NCKAP5: variants seen among roughly 807,000 people sequenced by gnomAD.
The protein encoded by NCKAP5 is nck-associated protein 5.
In NCKAP5, 92 loss-of-function variants were observed where a neutral mutation model predicts 167.0. The ratio of observed to expected loss-of-function variants is 0.55; its 90% CI spans 0.47 to 0.66. The LOEUF (loss-of-function observed/expected upper bound fraction) is 0.66, where lower values mean the gene tolerates loss of function less well. Ranked by LOEUF, NCKAP5 falls within the 30% of genes least tolerant of loss-of-function variation. The pLI, the probability that NCKAP5 is intolerant of heterozygous loss-of-function variation, is 0.00. For synonymous variants in NCKAP5, 891 were observed against 877.4 expected (o/e 1.02, Z -0.27); for missense variants, 2,378 against 2,315.0 (o/e 1.03, Z -0.56).
At chr2:133,628,969 C>A in the NCKAP5 span, among the ~76,000 whole-genome samples, 1 of 152,092 alleles carries the variant, frequency 6.6e-6, no homozygotes, top group African/African-American at 2.4e-5. Flanking sequence ...TTCCTTACAC[C>A]TTATACAAAA....
chr2:132,738,040 C>T (rs900479561), intron 16 of NCKAP5, among the ~76,000 whole-genome samples: 5 of 152,172 alleles, frequency 3.3e-5, no homozygotes, highest in Non-Finnish European at 5.9e-5. Flanking sequence ...GAATGGTCTT[C>T]CTCATCGTTA....
intron 11 of NCKAP5, among the ~76,000 whole-genome samples, chr2:132,809,499 G>A (rs564507530): frequency 7.0e-6 from 1 of 142,326 alleles, no homozygotes; most frequent in South Asian, 2.2e-4. Context: ...TGTCGGACAA[G>A]GCCTTTACCA....
intron 9 of NCKAP5, among the ~76,000 whole-genome samples, chr2:132,870,929 ATTAG>A (rs772906382): frequency 1.5e-4 from 23 of 152,128 alleles, no homozygotes; most frequent in Admixed American, 3.3e-4. Flanking sequence ...TCTGTAATTG[ATTAG>A]TTAAATTATA....
intron 2 of NCKAP5, among the ~76,000 whole-genome samples, chr2:133,530,554 A>T (rs1443639560): frequency 6.6e-5 from 10 of 152,338 alleles, no homozygotes; most frequent in Middle Eastern, 3.4e-3. Context: ...CCATTCAGCG[A>T]CATGAAATGG....
chr2:132,692,466 A>AT (rs1428744371), intron 19 of NCKAP5, among the ~76,000 whole-genome samples: 2 of 151,990 alleles, frequency 1.3e-5, no homozygotes, highest in African/African-American at 2.4e-5. Context: ...ATTACATTAC[A>AT]TTTTTTTATT....
chr2:132,748,568 C>T (rs373556724), intron 16 of NCKAP5, among the ~76,000 whole-genome samples: 206 of 152,234 alleles, frequency 1.4e-3, no homozygotes, highest in African/African-American at 4.4e-3. Flanking sequence ...ATGCAGAAGC[C>T]GGAATTCAAA....
intron 3 of NCKAP5, among the ~76,000 whole-genome samples, chr2:133,491,449 G>T (rs1448250805): frequency 6.6e-6 from 1 of 152,174 alleles, no homozygotes; most frequent in Non-Finnish European, 1.5e-5. Flanking sequence ...AGGTCCAACA[G>T]CGTCACCAAG....
intron 8 of NCKAP5, among the ~76,000 whole-genome samples, chr2:132,914,801 G>A (rs55848608): frequency 0.03 from 4,512 of 151,972 alleles, 190 homozygotes; most frequent in East Asian, 0.17. Flanking sequence ...GCTGCTCAAG[G>A]CCATCAGATA....
At chr2:133,313,203 C>T (rs58703771) in intron 3 of NCKAP5, among the ~76,000 whole-genome samples, 30,314 of 152,008 alleles carry the variant, frequency 0.2, 3,972 homozygotes, top group African/African-American at 0.38. Flanking sequence ...GTAGTGTGTG[C>T]TGGGGGGAAT....
At chr2:133,199,439 A>C (rs1422053426) in intron 5 of NCKAP5, among the ~76,000 whole-genome samples, 3 of 152,070 alleles carry the variant, frequency 2.0e-5, no homozygotes, top group Non-Finnish European at 4.4e-5. Flanking sequence ...AAAATAATTT[A>C]ACAAATACAT....
chr2:132,731,611 A>G, intron 17 of NCKAP5, 126 bp downstream of exon 17: 2 of 989,040 alleles, frequency 2.0e-6, no homozygotes, highest in Non-Finnish European at 2.9e-6. Flanking sequence ...GGTGAAGGAC[A>G]TGAAGGAATT....
At chr2:133,519,337 C>G (rs971301356) in intron 2 of NCKAP5, among the ~76,000 whole-genome samples, 3 of 152,224 alleles carry the variant, frequency 2.0e-5, no homozygotes, top group African/African-American at 7.2e-5. Flanking sequence ...TTTTCAATAT[C>G]ATTTTCTAAA....
At chr2:133,050,081 G>T (rs567072758) in intron 6 of NCKAP5, among the ~76,000 whole-genome samples, 8 of 152,294 alleles carry the variant, frequency 5.3e-5, no homozygotes, top group Middle Eastern at 3.4e-3. Flanking sequence ...ACCACCCATT[G>T]TTCTTCCTGG....
At chr2:133,012,843 G>A (rs1259184561) in intron 6 of NCKAP5, among the ~76,000 whole-genome samples, 1 of 151,894 alleles carries the variant, frequency 6.6e-6, no homozygotes, top group Admixed American at 6.6e-5. Context: ...AAATCTCCAA[G>A]CCTACACCTG....
chr2:133,659,267 GA>G, the NCKAP5 span, among the ~76,000 whole-genome samples: 7 of 151,996 alleles, frequency 4.6e-5, no homozygotes, highest in Admixed American at 6.6e-5. Flanking sequence ...AAATGGTGTT[GA>G]AAAAACTGGA....
intron 3 of NCKAP5, among the ~76,000 whole-genome samples, chr2:133,353,526 A>C (rs1684504142): frequency 6.6e-6 from 1 of 152,124 alleles, no homozygotes; most frequent in African/African-American, 2.4e-5. Flanking sequence ...TTCCCAGCAA[A>C]AGCCCCACCT....
chr2:133,353,769 G>A (rs1284303785), intron 3 of NCKAP5, among the ~76,000 whole-genome samples: 2 of 152,144 alleles, frequency 1.3e-5, no homozygotes. Context: ...AGTCAGAAAG[G>A]AGTTCAGCCA....
At chr2:133,528,659 T>C (rs945348015) in intron 2 of NCKAP5, among the ~76,000 whole-genome samples, 3 of 152,228 alleles carry the variant, frequency 2.0e-5, no homozygotes, top group African/African-American at 7.2e-5. Flanking sequence ...CCAGTTCTTA[T>C]GATGACTTAG....
chr2:133,625,795 C>T, the NCKAP5 span, among the ~76,000 whole-genome samples: 3 of 150,192 alleles, frequency 2.0e-5, no homozygotes. Context: ...TGGCGTGAAC[C>T]TGGGAGGCGG....
Sources: gnomAD v4.1 joint callset for allele counts (sites outside exome capture counted in the v4.1 genomes callset) on GRCh38, gnomAD v4.1.1 for gene constraint, MANE v1.5 for transcripts, NCBI Gene and HGNC (gene_info 2026-07-23, HGNC 2026-07-21) for gene names.